CSRP2: variants seen among roughly 807,000 people sequenced by gnomAD.
The protein encoded by CSRP2 is cysteine and glycine rich protein 2.
In CSRP2, 18 loss-of-function variants were observed where a neutral mutation model predicts 24.6. The ratio of observed to expected loss-of-function variants is 0.73; its 90% CI spans 0.51 to 1.09. The LOEUF (loss-of-function observed/expected upper bound fraction) is 1.09. Ranked by LOEUF, CSRP2 falls within the 50% of genes least tolerant of loss-of-function variation. The probability of loss-of-function intolerance (pLI) is 0.00; values close to 1 mark genes in which losing one functional copy is unlikely to be tolerated. For synonymous variants in CSRP2, 87 were observed against 84.3 expected (o/e 1.03, Z -0.18); for missense variants, 215 against 239.4 (o/e 0.90, Z 0.67).
intron 1 of CSRP2, among the ~76,000 whole-genome samples, chr12:76,874,144 A>G (rs1243458100): frequency 6.6e-6 from 1 of 152,256 alleles, no homozygotes; most frequent in African/African-American, 2.4e-5. Flanking sequence ...TTTCACAGGC[A>G]TGACAAAACA....
intron 3 of CSRP2, chr12:76,862,869 C>T (rs1405944827): frequency 7.2e-6 from 11 of 1,530,166 alleles, no homozygotes; most frequent in Non-Finnish European, 9.6e-6. Context: ...CATTTAATTT[C>T]ATGACATCCG....
chr12:76,865,999 G>T, intron 2 of CSRP2, 150 bp downstream of exon 2: 1 of 629,316 alleles, frequency 1.6e-6, no homozygotes, highest in Non-Finnish European at 2.8e-6. Context: ...TGCTAGGCTT[G>T]GCATTTACAA....
At chr12:76,862,963 T>A (rs1451284916) in intron 3 of CSRP2, 4 of 1,478,388 alleles carry the variant, frequency 2.7e-6, no homozygotes, top group Non-Finnish European at 3.6e-6. Flanking sequence ...TGGAATGCTA[T>A]AAAGCCAGAA....
At chr12:76,875,995 G>A (rs1213202938) in intron 1 of CSRP2, among the ~76,000 whole-genome samples, 1 of 152,218 alleles carries the variant, frequency 6.6e-6, no homozygotes, top group Admixed American at 6.5e-5. Context: ...CTGATGTTTT[G>A]CTAAACTAAA....
intron 5 of CSRP2, 178 bp downstream of exon 5, chr12:76,859,369 T>C (rs1033601744): frequency 1.3e-5 from 8 of 605,248 alleles, no homozygotes; most frequent in Middle Eastern, 3.1e-4. Flanking sequence ...GTGGGGAGTT[T>C]TAAATGATCA....
chr12:76,867,940 A>G (rs1953751616), intron 1 of CSRP2, among the ~76,000 whole-genome samples: 1 of 152,208 alleles, frequency 6.6e-6, no homozygotes, highest in African/African-American at 2.4e-5. Flanking sequence ...AGGCCTCTCC[A>G]AAAGAAAGAT....
intron 1 of CSRP2, among the ~76,000 whole-genome samples, chr12:76,868,866 G>A (rs1279710478): frequency 1.3e-5 from 2 of 151,458 alleles, no homozygotes; most frequent in African/African-American, 4.9e-5. Flanking sequence ...CCGGGAGGCG[G>A]AGCTTGCAGT....
At chr12:76,877,290 A>G (rs78798689) in intron 1 of CSRP2, among the ~76,000 whole-genome samples, 13,533 of 152,316 alleles carry the variant, frequency 0.089, 775 homozygotes, top group Non-Finnish European at 0.14. Context: ...CCCAAATCCA[A>G]GTGATTTTGC....
At chr12:76,870,724 A>G (rs1468902141) in intron 1 of CSRP2, among the ~76,000 whole-genome samples, 1 of 151,758 alleles carries the variant, frequency 6.6e-6, no homozygotes, top group Non-Finnish European at 1.5e-5. Flanking sequence ...ATGGTTAGGG[A>G]GCCAGGTGTG....
chr12:76,866,896 C>T (rs754671430), intron 1 of CSRP2, among the ~76,000 whole-genome samples: 3 of 152,154 alleles, frequency 2.0e-5, no homozygotes, highest in East Asian at 1.9e-4. Context: ...CCACAACAAA[C>T]GCCCATCCAG....
At chr12:76,859,710 A>C in intron 4 of CSRP2, 70 bp from the exon 5 acceptor site, 1 of 1,167,666 alleles carries the variant, frequency 8.6e-7, no homozygotes, top group Non-Finnish European at 1.2e-6. Flanking sequence ...ATGTATGGCA[A>C]GAAGTGGCTC....
chr12:76,877,221 A>G (rs1051534335), intron 1 of CSRP2, among the ~76,000 whole-genome samples: 7 of 152,122 alleles, frequency 4.6e-5, no homozygotes, highest in African/African-American at 1.7e-4. Flanking sequence ...CTCCTCATTT[A>G]TTGCTGTCCT....
At chr12:76,860,434 AAAGT>A in intron 3 of CSRP2, 21 bp from the exon 4 acceptor site, 16 of 1,611,814 alleles carry the variant, frequency 9.9e-6, no homozygotes, top group Non-Finnish European at 1.3e-5. Context: ...GAGGAAAAAA[AAAGT>A]AGGCAAGAGT....
intron 3 of CSRP2, chr12:76,862,567 G>T (rs1309471321): frequency 1.6e-5 from 6 of 384,418 alleles, no homozygotes; most frequent in Non-Finnish European, 2.5e-5. Flanking sequence ...AGTGTGTGGG[G>T]GGAATTCTAA....
At chr12:76,864,522 A>G (rs954648602) in intron 2 of CSRP2, 1 of 152,142 alleles carries the variant, frequency 6.6e-6, no homozygotes, top group Non-Finnish European at 1.5e-5. Context: ...GGTAATGGAT[A>G]CCCCATTTAA....
In CSRP2 at chr12:76,878,986, G is replaced by A. The variant is rs887690354; in HGVS notation, c.-50C>T. 1 of 152,334 alleles carries A rather than the reference G, an allele frequency of 6.6e-6. No individual in the cohort carries two copies. Among genetic ancestry groups the A allele is most frequent in the African/African-American group, 2.4e-5 (1 of 41,470 alleles). 9.4% of individuals were successfully genotyped at this position (152,334 alleles called of 1,614,324 possible). A position where few individuals can be genotyped will look rare whatever the true frequency, so the allele number is the denominator to read the frequency against. On this transcript the variant is annotated 5_prime_UTR_variant, in exon 1 of 6. Transcript: ENST00000311083. ...ACCGCAGGCGGAGCTAGCGAGGCTG[G>A]GCTGGAGGGAGGGTCCAGGGAGTCC...
chr12:76,859,087 G>A, intron 5 of CSRP2, 59 bp from the exon 6 acceptor site: 1 of 1,394,316 alleles, frequency 7.2e-7, no homozygotes, highest in Non-Finnish European at 1.0e-6. Context: ...TGCTAGCACT[G>A]CTTAAGACCC....
chr12:76,868,796 G>A (rs1331825484), intron 1 of CSRP2, among the ~76,000 whole-genome samples: 4 of 152,106 alleles, frequency 2.6e-5, no homozygotes, highest in Non-Finnish European at 5.9e-5. Context: ...AGCCGGGCAC[G>A]GTGGTGGGGG....
chr12:76,870,226 T>G (rs1953783463), intron 1 of CSRP2, among the ~76,000 whole-genome samples: 1 of 152,256 alleles, frequency 6.6e-6, no homozygotes, highest in Admixed American at 6.5e-5. Context: ...GGAGCCAGAT[T>G]GCTATCACGA....
Sources: allele counts gnomAD v4.1 joint callset (sites outside exome capture counted in the v4.1 genomes callset), GRCh38; gene constraint gnomAD v4.1.1; transcripts MANE v1.5; gene names NCBI Gene and HGNC (gene_info 2026-07-23, HGNC 2026-07-21).